The following PCDH15 variants were observed in gnomAD, a reference collection of about 807,000 sequenced individuals.
PCDH15 encodes protocadherin related 15.
A neutral mutation model predicts 178.5 loss-of-function variants in PCDH15; 129 were observed. The observed-to-expected ratio is 0.72, with a 90% CI of 0.63 to 0.84. The LOEUF (loss-of-function observed/expected upper bound fraction) is 0.84. PCDH15 is among the 40% of genes least tolerant of loss of function. The pLI is 0.00. For synonymous variants in PCDH15, 800 were observed against 732.0 expected (o/e 1.09, Z -1.50); for missense variants, 2,230 against 2,099.9 (o/e 1.06, Z -1.21).
chr10:55,384,896 A>G (rs1439586104), intron 2 of PCDH15, among the ~76,000 whole-genome samples: 1 of 152,146 alleles, frequency 6.6e-6, no homozygotes, highest in Non-Finnish European at 1.5e-5. Context: ...AACAAGCACA[A>G]TTGAAAGCAG....
chr10:54,010,462 G>A (rs554179026), intron 20 of PCDH15, among the ~76,000 whole-genome samples: 3 of 152,120 alleles, frequency 2.0e-5, no homozygotes, highest in Non-Finnish European at 4.4e-5. Flanking sequence ...GCTCAGGAGG[G>A]AATGTGGTGG....
At chr10:55,201,685 C>T (rs982739629) in intron 1 of PCDH15, among the ~76,000 whole-genome samples, 8 of 152,212 alleles carry the variant, frequency 5.3e-5, no homozygotes, top group Admixed American at 3.3e-4. Flanking sequence ...TCCACTGATA[C>T]GTGAAAACGT....
At chr10:54,632,363 A>G (rs2093727052) in intron 2 of PCDH15, among the ~76,000 whole-genome samples, 1 of 152,096 alleles carries the variant, frequency 6.6e-6, no homozygotes, top group Non-Finnish European at 1.5e-5. Context: ...GGGATCAATC[A>G]TACCCCAAAA....
chr10:53,810,493 A>ACG (rs1386761026), intron 37 of PCDH15, 63 bp downstream of exon 37: 2 of 1,431,232 alleles, frequency 1.4e-6, no homozygotes, highest in African/African-American at 1.4e-5. Context: ...GCCGCTAGTC[A>ACG]CGTAGGGTTA....
chr10:55,622,103 TA>T (rs1311952209), intron 2 of PCDH15, among the ~76,000 whole-genome samples: 8 of 69,152 alleles, frequency 1.2e-4, no homozygotes, highest in African/African-American at 4.4e-4. Context: ...AATGTATATA[TA>T]TTATATATAT....
At chr10:55,073,525 T>C (rs1367713397) in intron 2 of PCDH15, among the ~76,000 whole-genome samples, 7 of 152,118 alleles carry the variant, frequency 4.6e-5, no homozygotes, top group Non-Finnish European at 1.0e-4. Context: ...ATAAAATACC[T>C]AGGAATCCAA....
chr10:54,534,187 T>C (rs1396933304), intron 2 of PCDH15, among the ~76,000 whole-genome samples: 1 of 152,180 alleles, frequency 6.6e-6, no homozygotes. Flanking sequence ...TTTCTATTTT[T>C]TTCCTTTCAT....
chr10:54,945,347 TA>T (rs35590097), intron 2 of PCDH15, among the ~76,000 whole-genome samples: 14,209 of 140,350 alleles, frequency 0.1, 889 homozygotes, highest in African/African-American at 0.17. Context: ...GATAGATAGA[TA>T]GATGATAGAT....
chr10:54,563,677 T>C (rs1351420395), intron 2 of PCDH15, among the ~76,000 whole-genome samples: 1 of 152,130 alleles, frequency 6.6e-6, no homozygotes, highest in Admixed American at 6.6e-5. Flanking sequence ...GACATCACCT[T>C]GCCCTACCAA....
chr10:53,897,958 C>CTTTTTTTTTT, intron 26 of PCDH15, among the ~76,000 whole-genome samples: 1 of 112,752 alleles, frequency 8.9e-6, no homozygotes, highest in African/African-American at 4.0e-5. Context: ...GTTTCTTTTC[C>CTTTTTTTTTT]CTTTTTTTTT....
intron 2 of PCDH15, among the ~76,000 whole-genome samples, chr10:55,038,193 A>G (rs71492636): frequency 0.087 from 13,283 of 152,234 alleles, 985 homozygotes; most frequent in African/African-American, 0.2. Context: ...GAGCAAAAAA[A>G]TAACTAAACA....
At chr10:54,217,842 T>C (rs1486545823) in intron 9 of PCDH15, among the ~76,000 whole-genome samples, 1 of 152,184 alleles carries the variant, frequency 6.6e-6, no homozygotes, top group East Asian at 1.9e-4. Context: ...AAACATCTGC[T>C]CACACTAAGT....
intron 1 of PCDH15, among the ~76,000 whole-genome samples, chr10:55,171,880 T>C (rs1298509240): frequency 6.6e-6 from 1 of 151,066 alleles, no homozygotes; most frequent in Non-Finnish European, 1.5e-5. Context: ...CGCCAAACAA[T>C]GTTCACATCA....
chr10:55,403,252 C>T (rs562640623), intron 2 of PCDH15, among the ~76,000 whole-genome samples: 1 of 151,552 alleles, frequency 6.6e-6, no homozygotes, highest in African/African-American at 2.4e-5. Flanking sequence ...GTTTGAGTCC[C>T]TTATATATTC....
At chr10:55,014,868 T>G (rs1351243011) in intron 2 of PCDH15, among the ~76,000 whole-genome samples, 1 of 152,172 alleles carries the variant, frequency 6.6e-6, no homozygotes. Flanking sequence ...TACTTAAAAC[T>G]ATTGTGTCGC....
chr10:54,296,744 G>A (rs1387178854), intron 8 of PCDH15, among the ~76,000 whole-genome samples: 2 of 152,120 alleles, frequency 1.3e-5, no homozygotes, highest in Non-Finnish European at 2.9e-5. Context: ...CTGAAGCTAG[G>A]ATATGGGGAG....
At chr10:54,141,934 G>T (rs1482778384) in intron 14 of PCDH15, among the ~76,000 whole-genome samples, 3 of 152,040 alleles carry the variant, frequency 2.0e-5, no homozygotes, top group African/African-American at 7.2e-5. Flanking sequence ...TTGCTTTGTT[G>T]TATAGTATTT....
chr10:54,749,685 G>A (rs1945941201), intron 1 of PCDH15, among the ~76,000 whole-genome samples: 1 of 152,106 alleles, frequency 6.6e-6, no homozygotes, highest in Non-Finnish European at 1.5e-5. Context: ...TGAGTACTTT[G>A]GCTTATTATT....
intron 1 of PCDH15, among the ~76,000 whole-genome samples, chr10:55,167,680 C>T (rs530284152): frequency 6.6e-6 from 1 of 151,926 alleles, no homozygotes; most frequent in East Asian, 1.9e-4. Context: ...GAAATAGGTA[C>T]AGAAATAGAT....
Sources: gnomAD v4.1 joint callset for allele counts (sites outside exome capture counted in the v4.1 genomes callset) on GRCh38, gnomAD v4.1.1 for gene constraint, MANE v1.5 for transcripts, NCBI Gene and HGNC (gene_info 2026-07-23, HGNC 2026-07-21) for gene names.